Variants in IL1RAPL1 observed in about 807,000 individuals in gnomAD.
IL1RAPL1 encodes the protein interleukin-1 receptor accessory protein-like 1.
IL1RAPL1 carries 3 observed loss-of-function variants against 48.4 expected under a neutral mutation model. The ratio of observed to expected loss-of-function variants is 0.06; its 90% CI spans 0.03 to 0.16. The LOEUF is 0.16. IL1RAPL1 is among the 10% of genes least tolerant of loss of function. The pLI is 1.00. For synonymous variants in IL1RAPL1, 185 were observed against 187.7 expected (o/e 0.99, Z 0.12); for missense variants, 349 against 530.6 (o/e 0.66, Z 3.36).
chrX:29,469,360 C>T (rs1216827955), intron 5 of IL1RAPL1, among the ~76,000 whole-genome samples: 1 of 111,916 alleles, frequency 8.9e-6, no homozygotes, highest in Non-Finnish European at 1.9e-5. Context: ...TTGAGTTTTA[C>T]AGGTCAATGC....
At chrX:28,873,338 T>G (rs1026074792) in intron 2 of IL1RAPL1, among the ~76,000 whole-genome samples, 1 of 107,516 alleles carries the variant, frequency 9.3e-6, no homozygotes, top group Non-Finnish European at 1.9e-5. Flanking sequence ...CTTGAACTCC[T>G]TACCTCAGGT....
At chrX:29,320,638 G>A (rs187305678) in intron 3 of IL1RAPL1, among the ~76,000 whole-genome samples, 4 of 109,715 alleles carry the variant, frequency 3.6e-5, no homozygotes, top group South Asian at 7.9e-4. Context: ...TTACCCGGGC[G>A]TGGTGGCGTG....
intron 2 of IL1RAPL1, among the ~76,000 whole-genome samples, chrX:29,147,514 T>A (rs1385596276): frequency 9.0e-6 from 1 of 111,663 alleles, no homozygotes; most frequent in Non-Finnish European, 1.9e-5. Flanking sequence ...TTTGTGTATG[T>A]TTTGTCACCA....
chrX:29,484,285 T>C (rs1237964414), intron 5 of IL1RAPL1, among the ~76,000 whole-genome samples: 3 of 111,677 alleles, frequency 2.7e-5, no homozygotes, highest in African/African-American at 9.8e-5. Flanking sequence ...TGTGATAATA[T>C]GTCGAAGGGT....
chrX:28,787,649 T>C (rs1353135865), intron 1 of IL1RAPL1, among the ~76,000 whole-genome samples: 1 of 110,961 alleles, frequency 9.0e-6, no homozygotes, highest in Non-Finnish European at 1.9e-5. Flanking sequence ...GGTGAATGGA[T>C]TTTGCTTTTG....
chrX:29,333,784 A>T (rs1350444132), intron 3 of IL1RAPL1, among the ~76,000 whole-genome samples: 1 of 19,167 alleles, frequency 5.2e-5, no homozygotes, highest in African/African-American at 1.8e-4. Flanking sequence ...CCTCCCGGAC[A>T]GGGCGGCTGG....
intron 5 of IL1RAPL1, among the ~76,000 whole-genome samples, chrX:29,428,031 A>G (rs1471102496): frequency 1.8e-5 from 2 of 112,294 alleles, no homozygotes; most frequent in Non-Finnish European, 3.8e-5. Context: ...TGAGTTTAGA[A>G]GCACAATGGA....
chrX:29,434,982 C>T (rs1474518738), intron 5 of IL1RAPL1, among the ~76,000 whole-genome samples: 6 of 111,020 alleles, frequency 5.4e-5, no homozygotes, highest in Non-Finnish European at 9.5e-5. Flanking sequence ...TCTTCTACCT[C>T]CTGCCCTATT....
At chrX:28,679,683 C>T (rs73547841) in intron 1 of IL1RAPL1, among the ~76,000 whole-genome samples, 1,929 of 111,740 alleles carry the variant, frequency 0.017, 32 homozygotes, top group African/African-American at 0.059. Flanking sequence ...CATAGATATC[C>T]AGTTTTCTTA....
At chrX:29,045,439 C>T (rs780578303) in intron 2 of IL1RAPL1, among the ~76,000 whole-genome samples, 2 of 111,774 alleles carry the variant, frequency 1.8e-5, no homozygotes, top group Admixed American at 9.5e-5. Flanking sequence ...TATTAGGTTT[C>T]TTTTCATCGT....
intron 4 of IL1RAPL1, 69 bp from the exon 5 acceptor site, chrX:29,399,086 G>A: frequency 1.2e-6 from 1 of 866,410 alleles, no homozygotes; most frequent in South Asian, 2.2e-5. Context: ...TTTTGTTTTA[G>A]TTATTTAAAA....
At chrX:29,213,751 TCTTTA>T (rs1475482205) in intron 2 of IL1RAPL1, among the ~76,000 whole-genome samples, 1 of 112,281 alleles carries the variant, frequency 8.9e-6, no homozygotes. Flanking sequence ...TTCATCTTAG[TCTTTA>T]CTTCGATATA....
chrX:29,369,569 T>C, intron 3 of IL1RAPL1: 1 of 111,588 alleles, frequency 9.0e-6, no homozygotes, highest in Non-Finnish European at 1.9e-5. Flanking sequence ...GAGGCTGGGA[T>C]TGTTTTTGAG....
chrX:28,764,199 T>C (rs971621168), intron 1 of IL1RAPL1, among the ~76,000 whole-genome samples: 2 of 110,726 alleles, frequency 1.8e-5, no homozygotes, highest in Non-Finnish European at 3.8e-5. Flanking sequence ...AATACAGAGG[T>C]GGTCAGCCAC....
chrX:29,939,017 G>A (rs939121937), intron 8 of IL1RAPL1, among the ~76,000 whole-genome samples: 3 of 112,308 alleles, frequency 2.7e-5, no homozygotes, highest in African/African-American at 9.7e-5. Context: ...TGTGGCTGCT[G>A]TGAATAAATA....
intron 5 of IL1RAPL1, among the ~76,000 whole-genome samples, chrX:29,567,138 T>A (rs1185440120): frequency 9.1e-6 from 1 of 109,800 alleles, no homozygotes; most frequent in East Asian, 2.8e-4. Flanking sequence ...GTATGATAAG[T>A]AAAAATAAAT....
intron 6 of IL1RAPL1, among the ~76,000 whole-genome samples, chrX:29,705,993 G>A (rs1249138565): frequency 8.9e-6 from 1 of 112,297 alleles, no homozygotes; most frequent in African/African-American, 3.2e-5. Context: ...CACATGGCTG[G>A]TGAGGCCTCA....
At chrX:29,519,795 C>G (rs1219263326) in intron 5 of IL1RAPL1, among the ~76,000 whole-genome samples, 2 of 111,602 alleles carry the variant, frequency 1.8e-5, no homozygotes, top group Non-Finnish European at 3.8e-5. Flanking sequence ...GGTGGCCTCC[C>G]TGTCCCCCAG....
chrX:29,174,998 C>T (rs1237016277), intron 2 of IL1RAPL1, among the ~76,000 whole-genome samples: 2 of 104,214 alleles, frequency 1.9e-5, no homozygotes, highest in Admixed American at 1.1e-4. Flanking sequence ...GGCGTGAACC[C>T]GGGAGGCGGA....
Sources: gnomAD v4.1 joint callset for allele counts (sites outside exome capture counted in the v4.1 genomes callset) on GRCh38, gnomAD v4.1.1 for gene constraint, MANE v1.5 for transcripts, NCBI Gene and HGNC (gene_info 2026-07-23, HGNC 2026-07-21) for gene names.